CIC: variants seen among roughly 807,000 people sequenced by gnomAD.
The protein encoded by CIC is capicua transcriptional repressor.
Under a neutral mutation model 115.7 loss-of-function variants are expected in CIC, and 18 were observed. That is an observed-to-expected ratio of 0.16 (90% confidence interval 0.11 to 0.23). The LOEUF (loss-of-function observed/expected upper bound fraction) is 0.23, where lower values mean the gene tolerates loss of function less well. Ranked by LOEUF, CIC falls within the 10% of genes least tolerant of loss-of-function variation. The pLI, the probability that CIC is intolerant of heterozygous loss-of-function variation, is 1.00. For synonymous variants in CIC, 1,076 were observed against 923.0 expected (o/e 1.17, Z -3.01); for missense variants, 2,000 against 2,159.3 (o/e 0.93, Z 1.46).
Position 42,292,974 on chromosome 19 carries a change from G to A in CIC, c.6215G>A (p.Ser2072Asn). The A allele has an allele frequency of 6.2e-7, 1 of 1,613,782 alleles. No individual in the cohort carries two copies. Among genetic ancestry groups the A allele is most frequent in the East Asian group, 2.2e-5 (1 of 44,880 alleles). The stretch of plus-strand genomic sequence containing the variant: ...CCACTAGCAGGTTCCATGACCTACA[G>A]CTTAGTGGCCCCCAAGGCCCAGCGG... ...PSATAGSMTYSLVAPKAQRPS... is the reference protein window; with the variant it reads ...PSATAGSMTYNLVAPKAQRPS... Residue 2072 changes from serine to asparagine, a missense_variant, in exon 16 of 21, where the codon AGC becomes AAC. Ser to Asn is a conservative substitution (Grantham distance 46, BLOSUM62 1). This residue lies in a region of CIC where 1,466 missense variants were observed against 1,390.4 expected (regional missense o/e 1.05). Transcript: ENST00000681038.
intron 1 of CIC, among the ~76,000 whole-genome samples, chr19:42,269,835 T>C (rs1364976130): frequency 6.8e-6 from 1 of 146,808 alleles, no homozygotes. Context: ...AGAGAGAGAG[T>C]GTCAGAGAAG....
At position 42,290,877 on chromosome 19, in the gene CIC, C is replaced by G. The variant is rs370962921; in HGVS notation, c.4836C>G (p.Asp1612Glu). 4.3e-6 allele frequency: 7 copies of G among 1,612,990 alleles called. No individual in the cohort carries two copies. The highest frequency in any genetic ancestry group is 5.9e-6 in the Non-Finnish European group (7 of 1,179,870). The change falls in exon 11 of 21, where the codon GAC (aspartate) becomes GAG (glutamate). Residue 1612 changes from aspartate (D) to glutamate (E), a missense_variant. By Grantham distance (45) the Asp-to-Glu change is conservative. Transcript: ENST00000681038. ...TSGRAEASPN[D>E]TAGARTEMGT... ...GCCGGGCTGAGGCGTCTCCAAATGA[C>G]ACAGCAGGTGCCAGGACTGAAATGG...
In CIC at chr19:42,295,087, C is replaced by T. The variant is rs1195098494; in HGVS notation, c.7450C>T (p.Leu2484=). 3.3e-6 allele frequency: 5 copies of T among 1,528,932 alleles called. No homozygotes were observed. In the South Asian group the frequency reaches 6.0e-5, roughly 18 times the overall value. 94.7% of individuals were successfully genotyped at this position (1,528,932 alleles called of 1,614,324 possible). ...DSGTAQAAPP[L]PPPPESGPGQ... is the part of the protein sequence containing the mutation. ...TGGCACGGCCCAGGCTGCCCCGCCACTGCCTCCACCCCCAGAGTCGGGGCC... is the reference window on the plus strand; with the variant it reads ...TGGCACGGCCCAGGCTGCCCCGCCATTGCCTCCACCCCCAGAGTCGGGGCC... Residue 2484 remains leucine, a synonymous_variant, in exon 21 of 21, where the codon CTG becomes TTG. Coordinates refer to ENST00000681038, the MANE Select transcript of CIC (RefSeq NM_001386298.1).
chr19:42,287,797 C>A lies in CIC; in HGVS notation c.3493-13C>A, dbSNP rs1412158446. ...GTGGGTGAGTGAAGGGTTGCCCTGC[C>A]CTCTCCTGCCAGGTGAAGGAGGCCC... is the stretch of plus-strand genomic sequence containing the variant. On this transcript the variant is annotated splice_polypyrimidine_tract_variant and intron_variant, in intron 6 of 20. Transcript: ENST00000681038. This position sits in a 1 kb window ranked among gnomAD's most constrained non-coding sequence, Gnocchi z 8.7. 1 of 1,614,020 alleles carries A rather than the reference C, an allele frequency of 6.2e-7. No homozygotes were observed.
Position 42,273,568 on chromosome 19 carries a change from C to T in CIC, c.1785C>T (p.Asp595=), listed in dbSNP as rs975540618. The T allele has an allele frequency of 1.8e-5, 7 of 398,452 alleles. No individual in the cohort carries two copies. The highest frequency in any genetic ancestry group is 8.8e-5 in the Admixed American group (2 of 22,718). The allele number at this position is 398,452 out of a possible 1,614,324, so 24.7% of individuals were successfully genotyped here. The part of the protein sequence containing the change: ...APADLSRFEF[D]ECEAAVMLVS... The stretch of plus-strand genomic sequence containing the variant: ...CTGACTTGTCACGCTTTGAGTTCGA[C>T]GAGTGTGAGGCGGCCGTGATGCTGG... Residue 595 remains aspartate (D), a synonymous_variant, in exon 2 of 21, where the codon GAC becomes GAT. Transcript: ENST00000681038.
intron 2 of CIC, among the ~76,000 whole-genome samples, chr19:42,281,541 T>G (rs1408125305): frequency 6.6e-6 from 1 of 152,164 alleles, no homozygotes; most frequent in Non-Finnish European, 1.5e-5. Context: ...AGTACCTTTT[T>G]CCAACTAGGG....
rs563589724 is a variant in CIC at position 42,284,692 on chromosome 19, C to G, written c.2795-2079C>G. The G allele has an allele frequency of 2.0e-4, 301 of 1,542,986 alleles. 5 individuals carry two copies. The South Asian group carries it at 3.4e-3, about 17-fold the overall frequency. ...AGGTGCGAGCCCCTGCCGGGTCCCC[C>G]CTGCGCCGGACCATGTATTCGGCCC... On this transcript the variant is annotated intron_variant, in intron 2 of 20. Transcript: ENST00000681038.
In CIC at chr19:42,274,282, G is replaced by A. The variant is rs1362695481; in HGVS notation, c.2499G>A (p.Glu833=). The change falls in exon 2 of 21, where the codon GAG becomes GAA. Residue 833 remains glutamate, a synonymous_variant. Transcript: ENST00000681038. ...CTGGGGAGGTGGGCACTGCTGGTGA[G>A]GTGCGGGCTGGGGGACCTGGGCGGG... The part of the protein sequence containing the change: ...KFPGEVGTAG[E]VRAGGPGRGC... The A allele has an allele frequency of 1.3e-5, 5 of 398,686 alleles. No individual in the cohort carries two copies. The highest frequency in any genetic ancestry group is 2.2e-5 in the Non-Finnish European group (5 of 226,194). The allele number at this position is 398,686 out of a possible 1,614,324, so 24.7% of individuals were successfully genotyped here.
Position 42,272,010 on chromosome 19 carries a change from C to T in CIC, c.227C>T (p.Pro76Leu). The T allele has an allele frequency of 2.5e-6, 1 of 399,078 alleles. No individual in the cohort carries two copies. Among genetic ancestry groups the T allele is most frequent in the Non-Finnish European group, 4.4e-6 (1 of 226,330 alleles). The allele number at this position is 399,078 out of a possible 1,614,324, so 24.7% of individuals were successfully genotyped here. The change falls in exon 2 of 21, where the codon CCT becomes CTT. Residue 76 changes from proline (P) to leucine (L), a missense_variant. Physicochemically the swap from Pro to Leu is moderately conservative, Grantham distance 98. Around this residue, in one of 8 missense-constraint regions of CIC, gnomAD observed 222 missense variants for 247.7 expected, o/e 0.90. Coordinates refer to ENST00000681038, the MANE Select transcript of CIC (RefSeq NM_001386298.1). ...EAERGPGAEG[P>L]PLELHPGDPA... ...GAGCGGGGCCCTGGGGCTGAAGGTC[C>T]TCCACTGGAGCTGCACCCTGGCGAC...
rs1388635083 is a variant in CIC, at chr19:42,291,122, C to G, written c.5081C>G (p.Ala1694Gly). Residue 1694 changes from alanine to glycine, a missense_variant, in exon 11 of 21, where the codon GCC (alanine) becomes GGC (glycine). Coordinates refer to ENST00000681038, the MANE Select transcript of CIC (RefSeq NM_001386298.1). ...PPAVQFIAQG[A>G]PGGGTTAGSG... is the part of the protein sequence containing the mutation. ...GCTGTCCAGTTCATTGCCCAGGGGG[C>G]CCCTGGTGGTGGGACCACTGCGGGC... 6 of 1,609,262 alleles carry G rather than the reference C, an allele frequency of 3.7e-6. No homozygotes were observed. Among genetic ancestry groups the G allele is most frequent in the Non-Finnish European group, 5.1e-6 (6 of 1,176,698 alleles).
At chr19:42,284,690 C>G (rs1441734120) in intron 2 of CIC, 5 of 1,541,424 alleles carry the variant, frequency 3.2e-6, no homozygotes, top group Non-Finnish European at 3.5e-6. Context: ...TGCCGGGTCC[C>G]CCCTGCGCCG....
At chr19:42,283,848 C>T (rs2037387977) in intron 2 of CIC, among the ~76,000 whole-genome samples, 1 of 151,964 alleles carries the variant, frequency 6.6e-6, no homozygotes, top group Non-Finnish European at 1.5e-5. Flanking sequence ...TCGGGGCCAA[C>T]CGGAGCCCGC....
At position 42,270,849 on chromosome 19, in the gene CIC, G is replaced by C. The variant is rs889702011; in HGVS notation, c.-10-925G>C. On this transcript the variant is annotated intron_variant, in intron 1 of 20. Transcript: ENST00000681038. The surrounding 1 kb of genome is among the most constrained non-coding windows in gnomAD (Gnocchi z 4.1). Reference sequence around the variant, plus strand: ...CGTGTGCGTGCTTCTGTGCGTGTGTGTGTGTTTGTGCGCGTGCGTGTGCTC... The same window carrying C: ...CGTGTGCGTGCTTCTGTGCGTGTGTCTGTGTTTGTGCGCGTGCGTGTGCTC... 6.6e-6 allele frequency among the ~76,000 whole-genome samples: 1 copy of C among 152,188 alleles called. No individual in the cohort carries two copies. The highest frequency in any genetic ancestry group is 1.5e-5 in the Non-Finnish European group (1 of 68,006).
rs776634602 is a variant in CIC, at chr19:42,291,541, T to G, written c.5426-17T>G. 2 of 1,613,114 alleles carry G rather than the reference T, an allele frequency of 1.2e-6. No individual in the cohort carries two copies. Among genetic ancestry groups the G allele is most frequent in the South Asian group, 2.2e-5 (2 of 91,080 alleles). On this transcript the variant is annotated splice_polypyrimidine_tract_variant and intron_variant, in intron 11 of 20. Transcript: ENST00000681038. ...GCTCCCTTGTAACCTTTTCCTTTCT[T>G]GCCTCTTAACTTCCAGCCCAGTCAG...
chr19:42,275,971 TG>T (rs1260102405), intron 2 of CIC, among the ~76,000 whole-genome samples: 1 of 152,068 alleles, frequency 6.6e-6, no homozygotes, highest in Admixed American at 6.5e-5. Context: ...AGTAACAGTC[TG>T]GGGTGGTCAG....
rs529982916 is a variant in CIC at position 42,273,943 on chromosome 19, G to A, written c.2160G>A (p.Pro720=). Residue 720 remains proline (P), a synonymous_variant, in exon 2 of 21, where the codon CCG becomes CCA. Coordinates refer to ENST00000681038, the MANE Select transcript of CIC (RefSeq NM_001386298.1). ...GGCGACGGAAGACAGAGCTGTTGCC[G>A]CATCCAGGGGCCTTGGGGGCCCCTG... ...SPGRRKTELL[P]HPGALGAPGA... is the part of the protein sequence containing the mutation. 1.5e-5 allele frequency: 6 copies of A among 398,580 alleles called. No homozygotes were observed. Among genetic ancestry groups the A allele is most frequent in the African/African-American group, 8.2e-5 (4 of 48,678 alleles). 24.7% of individuals were successfully genotyped at this position (398,580 alleles called of 1,614,324 possible).
At position 42,291,722 on chromosome 19, in the gene CIC, A is replaced by G; in HGVS notation, c.5590A>G (p.Asn1864Asp). 6.2e-7 allele frequency: 1 copy of G among 1,612,848 alleles called. No homozygotes were observed. The highest frequency in any genetic ancestry group is 8.5e-7 in the Non-Finnish European group (1 of 1,179,956). ...CCCGCCCTTCTCAGTACCTGTGCAG[A>G]ATGGTGCCCAGCCCCCCAGCAAGGT... The part of the protein sequence containing the change: ...VSPPFSVPVQ[N>D]GAQPPSKIIQ... Residue 1864 changes from asparagine to aspartate, a missense_variant, in exon 12 of 21, where the codon AAT becomes GAT. Asn to Asp is a conservative substitution (Grantham distance 23, BLOSUM62 1). Coordinates refer to ENST00000681038, the MANE Select transcript of CIC (RefSeq NM_001386298.1).
rs2038413202 is a variant in CIC at position 42,295,002 on chromosome 19, C to A, written c.7365C>A (p.Ala2455=). 6.3e-7 allele frequency: 1 copy of A among 1,596,216 alleles called. No individual in the cohort carries two copies. The highest frequency in any genetic ancestry group is 1.3e-5 in the African/African-American group (1 of 74,928). ...PVPPPTGTAA[A]PAPTPSPAGG... is the part of the protein sequence containing the mutation. ...CGCCCCCCACTGGCACCGCTGCTGC[C>A]CCTGCCCCCACTCCCAGCCCCGCAG... is the stretch of plus-strand genomic sequence containing the variant. The change falls in exon 21 of 21, where the codon GCC becomes GCA. Residue 2455 remains alanine (A), a synonymous_variant. Coordinates refer to ENST00000681038, the MANE Select transcript of CIC (RefSeq NM_001386298.1).
In CIC at chr19:42,272,073, G is replaced by A; in HGVS notation, c.290G>A (p.Gly97Glu). The A allele has an allele frequency of 2.5e-6, 1 of 399,026 alleles. No homozygotes were observed. The highest frequency in any genetic ancestry group is 4.4e-6 in the Non-Finnish European group (1 of 226,350). The allele number at this position is 399,026 out of a possible 1,614,324, so 24.7% of individuals were successfully genotyped here. ...PGPAEDPKGDGEAGRWEPSLS... is the reference protein window; with the variant it reads ...PGPAEDPKGDEEAGRWEPSLS... The stretch of plus-strand genomic sequence containing the variant: ...CCAGCAGAGGACCCCAAAGGGGATG[G>A]GGAGGCAGGCCGCTGGGAGCCCTCA... The change falls in exon 2 of 21, where the codon GGG becomes GAG. Residue 97 changes from glycine (G) to glutamate (E), a missense_variant. Coordinates refer to ENST00000681038, the MANE Select transcript of CIC (RefSeq NM_001386298.1).
Sources: allele counts gnomAD v4.1 joint callset (sites outside exome capture counted in the v4.1 genomes callset), GRCh38; gene constraint gnomAD v4.1.1; regional missense constraint gnomAD v4.1.1; non-coding constraint Gnocchi (gnomAD v3.1); transcripts MANE v1.5; gene names NCBI Gene and HGNC (gene_info 2026-07-23, HGNC 2026-07-21).